Variants in RPE65 observed in about 807,000 individuals in gnomAD.
RPE65 encodes retinoid isomerohydrolase RPE65.
In RPE65, 58 loss-of-function variants were observed where a neutral mutation model predicts 68.5. That is an observed-to-expected ratio of 0.85 (90% CI 0.69 to 1.05). The LOEUF (loss-of-function observed/expected upper bound fraction) is 1.05. Among genes scored for constraint, RPE65 ranks in the 50% least tolerant of loss-of-function variants. RPE65 has a pLI of 0.00. For missense variants in RPE65, 643 were observed against 629.9 expected, an observed-to-expected ratio of 1.02 and a Z score of -0.22; for synonymous variants, 220 against 222.2, an observed-to-expected ratio of 0.99 and a Z score of 0.09.
At position 68,431,442 on chromosome 1, in the gene RPE65, C is replaced by T. The variant is rs116540274; in HGVS notation, c.1243+29G>A. 0.013 allele frequency: 21,280 copies of T among 1,611,178 alleles called. 161 individuals carry two copies. The highest frequency in any genetic ancestry group is 0.016 in the Non-Finnish European group (18,887 of 1,177,570). On this transcript the variant is annotated intron_variant, in intron 11 of 13. Transcript: ENST00000262340. ...TTTGAAAGAAACATTTGTTCACTCC[C>T]GTGTGAAGTTTTCTCTAGATCATCT...
At position 68,431,477 on chromosome 1, in the gene RPE65, G is replaced by A. The variant is rs369142161; in HGVS notation, c.1237C>T (p.Arg413Cys). ...LEPEVLFSGP[R>C]QAFEFPQINY... ...TTTCTCTAGATCATCTCACCTTGAC[G>A]AGGCCCTGAAAAGAGAACTTCAGGC... The change falls in exon 11 of 14, where the codon CGT becomes TGT. Residue 413 changes from arginine to cysteine, a missense_variant. Physicochemically the swap from Arg to Cys is radical, Grantham distance 180 (BLOSUM62 -3). Coordinates refer to ENST00000262340, the MANE Select transcript of RPE65 (RefSeq NM_000329.3). 8.1e-5 allele frequency: 131 copies of A among 1,613,698 alleles called. 1 individual carries two copies. The highest frequency in any genetic ancestry group is 1.8e-4 in the East Asian group (8 of 44,860).
intron 10 of RPE65, among the ~76,000 whole-genome samples, chr1:68,435,292 T>G (rs1448913578): frequency 6.6e-6 from 1 of 152,196 alleles, no homozygotes; most frequent in Non-Finnish European, 1.5e-5. Context: ...TCTCTCTGTA[T>G]TCTCTGGCTC....
chr1:68,439,150 T>G, intron 8 of RPE65, 41 bp downstream of exon 8: 4 of 1,614,034 alleles, frequency 2.5e-6, no homozygotes, highest in Non-Finnish European at 3.4e-6. Flanking sequence ...AAACACATCT[T>G]CTTCAGAATC....
intron 5 of RPE65, among the ~76,000 whole-genome samples, chr1:68,442,228 G>A (rs1320123465): frequency 6.6e-6 from 1 of 152,226 alleles, no homozygotes; most frequent in Non-Finnish European, 1.5e-5. Flanking sequence ...GAGGGATGAG[G>A]CAGTTTTCCT....
At chr1:68,445,059 C>T (rs1173966699) in intron 3 of RPE65, among the ~76,000 whole-genome samples, 176 bp from the exon 4 acceptor site, 6 of 152,118 alleles carry the variant, frequency 3.9e-5, no homozygotes, top group African/African-American at 1.4e-4. Flanking sequence ...AGGGCAGACA[C>T]AATGTCCCTT....
intron 3 of RPE65, among the ~76,000 whole-genome samples, chr1:68,445,274 AC>A (rs1252088681): frequency 6.6e-6 from 1 of 152,010 alleles, no homozygotes; most frequent in Non-Finnish European, 1.5e-5. Flanking sequence ...ATCAACCTAA[AC>A]TTACTGGGAA....
rs867171522 is a variant in RPE65 at position 68,438,383 on chromosome 1, C to G, written c.999-67G>C. ...AATAATTTTAGAGAGATGATTCTTG[C>G]CTTTTTAAGCACAAGTGCCTGCCTG... On this transcript the variant is annotated intron_variant, in intron 9 of 13. Transcript: ENST00000262340. 5.7e-6 allele frequency: 9 copies of G among 1,570,198 alleles called. No individual in the cohort carries two copies. The Middle Eastern group carries it at 6.7e-4, about 117-fold the overall frequency.
chr1:68,435,483 T>C (rs1156700052), intron 10 of RPE65, among the ~76,000 whole-genome samples: 2 of 152,196 alleles, frequency 1.3e-5, no homozygotes, highest in Non-Finnish European at 2.9e-5. Flanking sequence ...TGTCTTTCCA[T>C]TACCAGTTCA....
Position 68,439,062 on chromosome 1 carries a change from T to C in RPE65, c.878A>G (p.Asp293Gly). ...ATTGAGGTACTTTTTCCTTTTTTTG[T>C]CAGCAATATGAAGCCAAACCTTGAA... ...ETMGVWLHIA[D>G]KKRKKYLNNK... The change falls in exon 9 of 14, where the codon GAC (aspartate) becomes GGC (glycine). Residue 293 changes from aspartate (D) to glycine (G), a missense_variant. Physicochemically the swap from Asp to Gly is moderately conservative, Grantham distance 94. Transcript: ENST00000262340. 1 of 1,614,098 alleles carries C rather than the reference T, an allele frequency of 6.2e-7. No homozygotes were observed. Among genetic ancestry groups the C allele is most frequent in the Non-Finnish European group, 8.5e-7 (1 of 1,180,000 alleles).
At chr1:68,434,129 C>T (rs1011806804) in intron 10 of RPE65, among the ~76,000 whole-genome samples, 3 of 151,338 alleles carry the variant, frequency 2.0e-5, no homozygotes, top group African/African-American at 7.3e-5. Context: ...CACACACACA[C>T]ACACACACAC....
Position 68,431,098 on chromosome 1 carries a change from C to A in RPE65, c.1417G>T (p.Val473Phe), listed in dbSNP as rs148859816. The A allele has an allele frequency of 6.2e-7, 1 of 1,613,760 alleles. No individual in the cohort carries two copies. Reference protein sequence around the residue: ...PDSYPSEPIFVSHPDALEEDD... With the variant: ...PDSYPSEPIFFSHPDALEEDD... ...TCTTCCAAGGCATCTGGGTGAGAAA[C>A]AAAGATGGGTTCTGATGGGTATGAA... Residue 473 changes from valine (V) to phenylalanine (F), a missense_variant, in exon 13 of 14, where the codon GTT (valine) becomes TTT (phenylalanine). Val to Phe is a conservative substitution (Grantham distance 50). Coordinates refer to ENST00000262340, the MANE Select transcript of RPE65 (RefSeq NM_000329.3).
At chr1:68,439,108 T>A (rs779941200) in intron 8 of RPE65, 27 bp from the exon 9 acceptor site, 1 of 1,613,826 alleles carries the variant, frequency 6.2e-7, no homozygotes, top group African/African-American at 1.3e-5. Context: ...AATATTTTGA[T>A]GCATTTAAAA....
intron 10 of RPE65, among the ~76,000 whole-genome samples, chr1:68,433,572 G>C (rs1645840709): frequency 6.6e-6 from 1 of 152,192 alleles, no homozygotes; most frequent in Non-Finnish European, 1.5e-5. Flanking sequence ...GCATCTGAGT[G>C]TGGAGGCGGG....
At chr1:68,445,595 C>T (rs1271433490) in intron 3 of RPE65, among the ~76,000 whole-genome samples, 1 of 152,022 alleles carries the variant, frequency 6.6e-6, no homozygotes, top group Non-Finnish European at 1.5e-5. Context: ...CTCACTGCAA[C>T]CTCCGCCTCC....
At chr1:68,446,662 G>C in intron 3 of RPE65, 48 bp downstream of exon 3, 1 of 1,612,942 alleles carries the variant, frequency 6.2e-7, no homozygotes, top group Middle Eastern at 1.7e-4. Flanking sequence ...GAGGAGCCAA[G>C]CTAGGCCCTA....
chr1:68,446,931 G>A, intron 2 of RPE65, 71 bp from the exon 3 acceptor site: 2 of 1,601,120 alleles, frequency 1.2e-6, no homozygotes, highest in Non-Finnish European at 1.7e-6. Flanking sequence ...TGGTAAGGCA[G>A]AGTATATCAG....
intron 5 of RPE65, 74 bp downstream of exon 5, chr1:68,444,457 T>A (rs1645926610): frequency 6.4e-7 from 1 of 1,565,850 alleles, no homozygotes; most frequent in African/African-American, 1.4e-5. Flanking sequence ...ATTCGCAGCA[T>A]GAATAATTTA....
chr1:68,448,848 G>T (rs1329956533), intron 1 of RPE65, 142 bp from the exon 2 acceptor site: 3 of 375,692 alleles, frequency 8.0e-6, no homozygotes, highest in African/African-American at 2.3e-5. Flanking sequence ...AGCTGGGTGG[G>T]GGTGGGGGTG....
intron 2 of RPE65, among the ~76,000 whole-genome samples, chr1:68,447,724 C>T (rs1165526081): frequency 6.6e-6 from 1 of 152,172 alleles, no homozygotes; most frequent in Non-Finnish European, 1.5e-5. Context: ...TGGCGGGCGC[C>T]TGTAGTCCCA....
Sources: allele counts gnomAD v4.1 joint callset (sites outside exome capture counted in the v4.1 genomes callset), GRCh38; gene constraint gnomAD v4.1.1; transcripts MANE v1.5; gene names NCBI Gene and HGNC (gene_info 2026-07-23, HGNC 2026-07-21).